Variants in ZMIZ1 observed in about 807,000 individuals in gnomAD.
ZMIZ1 encodes zinc finger MIZ-type containing 1, also known as zinc finger MIZ domain-containing protein 1.
In ZMIZ1, 17 loss-of-function variants were observed where a neutral mutation model predicts 113.9. That is an observed-to-expected ratio of 0.15 (90% CI 0.10 to 0.22). ZMIZ1 has a LOEUF of 0.22. ZMIZ1 is among the 10% of genes least tolerant of loss of function. The probability of loss-of-function intolerance (pLI) is 1.00; values close to 1 mark genes in which losing one functional copy is unlikely to be tolerated. For missense variants in ZMIZ1, 1,059 were observed against 1,477.8 expected, an observed-to-expected ratio of 0.72 and a Z score of 4.65; for synonymous variants, 607 against 603.1, an observed-to-expected ratio of 1.01 and a Z score of -0.09.
chr10:79,102,471 TG>T (rs1335705930), intron 1 of ZMIZ1, among the ~76,000 whole-genome samples: 3 of 152,058 alleles, frequency 2.0e-5, no homozygotes, highest in East Asian at 3.9e-4. Context: ...GAGAAAGAAA[TG>T]GGTGTGTGTG....
At chr10:79,077,083 C>T (rs1241270411) in intron 1 of ZMIZ1, among the ~76,000 whole-genome samples, 3 of 152,118 alleles carry the variant, frequency 2.0e-5, no homozygotes, top group South Asian at 2.1e-4. Context: ...CTAGGAGTCA[C>T]CTGCTGAGAG....
chr10:79,194,110 G>A (rs1847730585), intron 4 of ZMIZ1, among the ~76,000 whole-genome samples: 1 of 152,226 alleles, frequency 6.6e-6, no homozygotes, highest in African/African-American at 2.4e-5. Flanking sequence ...TCCTGCCACT[G>A]GCACCGCTTG....
chr10:79,171,276 TCTTCACTGCCGGGC>T lies in ZMIZ1; in HGVS notation c.-50+9151_-50+9164del, dbSNP rs1589373476. 3.9e-5 allele frequency among the ~76,000 whole-genome samples: 6 copies of T among 152,266 alleles called. 1 individual carries two copies. Among genetic ancestry groups the T allele is most frequent in the South Asian group, 2.1e-4 (1 of 4,814 alleles). ...TCTGGGCTAATGCCAGAGAAGGAAT[TCTTCACTGCCGGGC>T]CTTCACTCCACCGGGGATGAGGCCA... On this transcript the variant is annotated intron_variant, in intron 4 of 24. Transcript: ENST00000334512.
chr10:79,305,316 C>T (rs1276152053), intron 20 of ZMIZ1, 85 bp downstream of exon 20: 1 of 1,497,444 alleles, frequency 6.7e-7, no homozygotes, highest in Non-Finnish European at 9.3e-7. Context: ...CTCCACCTGC[C>T]CTAAATGCAA....
chr10:79,171,761 C>T (rs1012082900), intron 4 of ZMIZ1, among the ~76,000 whole-genome samples: 3 of 152,122 alleles, frequency 2.0e-5, no homozygotes, highest in African/African-American at 7.2e-5. Context: ...GATTGACACT[C>T]AGAGCATTTC....
At chr10:79,276,899 C>G (rs1852325147) in intron 7 of ZMIZ1, among the ~76,000 whole-genome samples, 1 of 152,168 alleles carries the variant, frequency 6.6e-6, no homozygotes, top group Non-Finnish European at 1.5e-5. Flanking sequence ...TCCTGACTCT[C>G]CCCCTCTTTG....
At chr10:79,292,430 G>T in intron 11 of ZMIZ1, 74 bp downstream of exon 11, 1 of 1,553,360 alleles carries the variant, frequency 6.4e-7, no homozygotes, top group Non-Finnish European at 8.8e-7. Flanking sequence ...ACCAGAGTTG[G>T]GATGTCAGTG....
chr10:79,221,850 G>C (rs1848985712), intron 7 of ZMIZ1, among the ~76,000 whole-genome samples: 1 of 152,272 alleles, frequency 6.6e-6, no homozygotes, highest in Admixed American at 6.5e-5. Context: ...CAGGGCCAGA[G>C]TCCAGAAGAG....
intron 3 of ZMIZ1, among the ~76,000 whole-genome samples, chr10:79,153,332 T>TGGCAGGCATC (rs537905992): frequency 3.4e-4 from 52 of 152,236 alleles, no homozygotes; most frequent in Non-Finnish European, 7.1e-4. Context: ...CCCAGGGCAT[T>TGGCAGGCATC]GGCAGGCATC....
chr10:79,113,036 C>A (rs1843814702), intron 1 of ZMIZ1, among the ~76,000 whole-genome samples: 1 of 152,210 alleles, frequency 6.6e-6, no homozygotes, highest in East Asian at 1.9e-4. Context: ...GAGGGCTTCT[C>A]AACAGCTTTC....
At chr10:79,165,565 C>A (rs1255020246) in intron 4 of ZMIZ1, among the ~76,000 whole-genome samples, 4 of 152,162 alleles carry the variant, frequency 2.6e-5, no homozygotes, top group African/African-American at 4.8e-5. Flanking sequence ...AAAGGGGAGA[C>A]CCCTCCCTCC....
chr10:79,135,715 G>A (rs1222355640), intron 2 of ZMIZ1, among the ~76,000 whole-genome samples: 2 of 152,220 alleles, frequency 1.3e-5, no homozygotes, highest in Non-Finnish European at 1.5e-5. Flanking sequence ...AGGCTTTGGG[G>A]TCCAAGGGCC....
chr10:79,164,886 C>T (rs1055440535), intron 4 of ZMIZ1, among the ~76,000 whole-genome samples: 2 of 152,116 alleles, frequency 1.3e-5, no homozygotes, highest in South Asian at 2.1e-4. Flanking sequence ...CGGGAGGAAG[C>T]CTGTTCCCTC....
chr10:79,085,015 G>A (rs1348953023), intron 1 of ZMIZ1, among the ~76,000 whole-genome samples: 2 of 152,168 alleles, frequency 1.3e-5, no homozygotes, highest in African/African-American at 4.8e-5. Context: ...AGGGGCCCTT[G>A]GCTCTGCCGG....
In ZMIZ1 at chr10:79,284,413, A is replaced by G. The variant is rs552006587; in HGVS notation, c.426-5362A>G. 3.9e-5 allele frequency among the ~76,000 whole-genome samples: 6 copies of G among 152,284 alleles called. No homozygotes were observed. The South Asian group carries it at 1.2e-3, about 32-fold the overall frequency. On this transcript the variant is annotated intron_variant, in intron 8 of 24. Coordinates refer to ENST00000334512, the MANE Select transcript of ZMIZ1 (RefSeq NM_020338.4). ...GGGAAGGCAGAAGAAAAATGAAGAA[A>G]GTCTCAGAGGCTTGAGAAGCACATT...
At chr10:79,223,596 C>T (rs1442366124) in intron 7 of ZMIZ1, among the ~76,000 whole-genome samples, 3 of 152,376 alleles carry the variant, frequency 2.0e-5, no homozygotes, top group South Asian at 4.1e-4. Flanking sequence ...ACGCGCTCAC[C>T]TCCCTCTGTT....
chr10:79,245,148 A>G (rs1589477179), intron 7 of ZMIZ1, among the ~76,000 whole-genome samples: 1 of 152,082 alleles, frequency 6.6e-6, no homozygotes, highest in Admixed American at 6.5e-5. Context: ...CAGAGTTTAC[A>G]CCTCGCTACA....
At chr10:79,124,249 G>A (rs889930245) in intron 2 of ZMIZ1, among the ~76,000 whole-genome samples, 1 of 152,244 alleles carries the variant, frequency 6.6e-6, no homozygotes, top group Non-Finnish European at 1.5e-5. Context: ...TAAAATCAGA[G>A]GATTGGGGTA....
chr10:79,144,710 C>G (rs1845412907), intron 3 of ZMIZ1, among the ~76,000 whole-genome samples: 1 of 152,166 alleles, frequency 6.6e-6, no homozygotes, highest in Admixed American at 6.5e-5. Flanking sequence ...CATTGCCTTC[C>G]CAGTGAATAG....
Sources: allele counts gnomAD v4.1 joint callset (sites outside exome capture counted in the v4.1 genomes callset), GRCh38; gene constraint gnomAD v4.1.1; transcripts MANE v1.5; gene names NCBI Gene and HGNC (gene_info 2026-07-23, HGNC 2026-07-21).